Variants in WNT9A observed in about 807,000 individuals in gnomAD.
WNT9A encodes the protein Wnt family member 9A.
Under a neutral mutation model 31.4 loss-of-function variants are expected in WNT9A, and 8 were observed. The ratio of observed to expected loss-of-function variants is 0.26; its 90% CI spans 0.15 to 0.46. The LOEUF (loss-of-function observed/expected upper bound fraction) is 0.46. WNT9A is among the 20% of genes least tolerant of loss of function. The pLI is 0.99. For synonymous variants in WNT9A, 236 were observed against 220.1 expected, an observed-to-expected ratio of 1.07 and a Z score of -0.64; for missense variants, 457 against 522.9, an observed-to-expected ratio of 0.87 and a Z score of 1.23.
At position 227,947,821 on chromosome 1, in the gene WNT9A, C is replaced by A; in HGVS notation, c.67G>T (p.Ala23Ser). 1 of 1,092,232 alleles carries A rather than the reference C, an allele frequency of 9.2e-7. No individual in the cohort carries two copies. The highest frequency in any genetic ancestry group is 1.1e-6 in the Non-Finnish European group (1 of 899,514). 67.7% of individuals were successfully genotyped at this position (1,092,232 alleles called of 1,614,324 possible). Residue 23 changes from alanine (A) to serine (S), a missense_variant, in exon 1 of 4, where the codon GCG becomes TCG. Physicochemically the swap from Ala to Ser is moderately conservative, Grantham distance 99. Coordinates refer to ENST00000272164, the MANE Select transcript of WNT9A (RefSeq NM_003395.4). The stretch of plus-strand genomic sequence containing the variant: ...AAGTAGGCGGCCGAAGGGCGCAGCG[C>A]GGCGAGCAGCAGCGTCAGCCCGAAG... Reference protein sequence around the residue: ...AAFGLTLLLAALRPSAAYFGL... With the variant: ...AAFGLTLLLASLRPSAAYFGL...
At chr1:227,943,825 T>TA (rs898865305) in intron 1 of WNT9A, among the ~76,000 whole-genome samples, 2 of 151,942 alleles carry the variant, frequency 1.3e-5, no homozygotes, top group African/African-American at 4.8e-5. Flanking sequence ...AAATAAAATT[T>TA]AAAAAAATTA....
chr1:227,926,984 T>A lies in WNT9A; in HGVS notation c.96-1465A>T, dbSNP rs1191067660. Among the ~76,000 whole-genome samples, 1 of 151,946 alleles carries A rather than the reference T, an allele frequency of 6.6e-6. No individual in the cohort carries two copies. The highest frequency in any genetic ancestry group is 2.0e-4 in the East Asian group (1 of 5,128). ...CGCAGGCCACAGAAGGAGCAGGTAG[T>A]GGCCCCAGGAAGGATCCCACAGCCC... On this transcript the variant is annotated intron_variant, in intron 1 of 3. Transcript: ENST00000272164. This position sits in a 1 kb window ranked among gnomAD's most constrained non-coding sequence, Gnocchi z 5.0.
intron 1 of WNT9A, among the ~76,000 whole-genome samples, chr1:227,939,349 G>A (rs1415673948): frequency 6.6e-6 from 1 of 152,184 alleles, no homozygotes; most frequent in African/African-American, 2.4e-5. Context: ...AGCCCCACAG[G>A]AGTGGAGCTT....
chr1:227,925,640 A>C lies in WNT9A; in HGVS notation c.96-121T>G. On this transcript the variant is annotated intron_variant, in intron 1 of 3. Coordinates refer to ENST00000272164, the MANE Select transcript of WNT9A (RefSeq NM_003395.4). This position sits in a 1 kb window ranked among gnomAD's most constrained non-coding sequence, Gnocchi z 6.0. Reference sequence around the variant, plus strand: ...TCCATCCGGGGGTGAGGGGGCAGAAAGAATCCAGGATGAGCCAGGCAGGGG... The same window carrying C: ...TCCATCCGGGGGTGAGGGGGCAGAACGAATCCAGGATGAGCCAGGCAGGGG... 7.2e-7 allele frequency: 1 copy of C among 1,388,790 alleles called. No individual in the cohort carries two copies. The highest frequency in any genetic ancestry group is 9.4e-7 in the Non-Finnish European group (1 of 1,063,028). 86.0% of individuals were successfully genotyped at this position (1,388,790 alleles called of 1,614,324 possible).
chr1:227,947,193 GCGC>G (rs1666808501), intron 1 of WNT9A, among the ~76,000 whole-genome samples: 1 of 151,930 alleles, frequency 6.6e-6, no homozygotes, highest in Non-Finnish European at 1.5e-5. Flanking sequence ...GCCGGGCCCT[GCGC>G]TCCCGGCCAG....
chr1:227,922,298 C>T (rs561975408), intron 3 of WNT9A, among the ~76,000 whole-genome samples: 5 of 152,342 alleles, frequency 3.3e-5, no homozygotes, highest in African/African-American at 9.6e-5. Context: ...GTCCACCCTG[C>T]GTCAGGGGCT....
intron 1 of WNT9A, among the ~76,000 whole-genome samples, chr1:227,935,325 C>T (rs893659291): frequency 3.9e-5 from 6 of 152,042 alleles, no homozygotes; most frequent in Admixed American, 6.5e-5. Context: ...CTCCAGTTCA[C>T]TATAGTGGGG....
chr1:227,935,740 TTTG>T (rs754982200), intron 1 of WNT9A, among the ~76,000 whole-genome samples: 15 of 152,278 alleles, frequency 9.9e-5, no homozygotes, highest in East Asian at 9.6e-4. Flanking sequence ...TTTTTGGGTT[TTTG>T]TTGTTGTTGT....
intron 1 of WNT9A, among the ~76,000 whole-genome samples, chr1:227,940,691 C>T (rs1481053550): frequency 1.3e-5 from 2 of 152,210 alleles, no homozygotes; most frequent in South Asian, 2.1e-4. Context: ...CCTCAGGTAT[C>T]GCTAAAAAAA....
Position 227,919,664 on chromosome 1 carries a change from A to G in WNT9A, c.*1854T>C, listed in dbSNP as rs3820621. ...CGCCATGCCACTGACAGCACAGCAC[A>G]GCCAAGCTGACCATGCCAGTATACA... On this transcript the variant is annotated 3_prime_UTR_variant, in exon 4 of 4. Coordinates refer to ENST00000272164, the MANE Select transcript of WNT9A (RefSeq NM_003395.4). 112,406 of 150,154 alleles carry G rather than the reference A, an allele frequency of 0.75. 42,346 individuals carry two copies. Among genetic ancestry groups the G allele is most frequent in the African/African-American group, 0.84 (34,122 of 40,576 alleles). The allele number at this position is 150,154 out of a possible 1,614,324, so 9.3% of individuals were successfully genotyped here. A position where few individuals can be genotyped will look rare whatever the true frequency, so the allele number is the denominator to read the frequency against.
chr1:227,922,761 C>A (rs562355528), intron 3 of WNT9A, among the ~76,000 whole-genome samples: 134 of 152,314 alleles, frequency 8.8e-4, no homozygotes, highest in African/African-American at 3.1e-3. Flanking sequence ...GGACTTAGGG[C>A]CCCACCTGCA....
chr1:227,947,578 C>G, intron 1 of WNT9A, among the ~76,000 whole-genome samples: 1 of 151,288 alleles, frequency 6.6e-6, no homozygotes, highest in Admixed American at 6.5e-5. Context: ...AGGACCGCGG[C>G]CCGGCGCAAG....
intron 1 of WNT9A, among the ~76,000 whole-genome samples, chr1:227,932,121 T>G (rs1402924038): frequency 6.6e-6 from 1 of 152,182 alleles, no homozygotes; most frequent in Non-Finnish European, 1.5e-5. Context: ...CTTGCTAGCA[T>G]TTTACCCACA....
intron 1 of WNT9A, among the ~76,000 whole-genome samples, chr1:227,936,446 C>T (rs1666596777): frequency 6.6e-6 from 1 of 152,158 alleles, no homozygotes; most frequent in South Asian, 2.1e-4. Context: ...CCTACCTTGG[C>T]CTTTCAAAGT....
chr1:227,947,482 G>T (rs928705699), intron 1 of WNT9A, among the ~76,000 whole-genome samples: 2 of 152,142 alleles, frequency 1.3e-5, no homozygotes. Context: ...GCGGCCCAAG[G>T]AAGTCGGGAC....
Position 227,920,342 on chromosome 1 carries a change from A to T in WNT9A, c.*1176T>A, listed in dbSNP as rs1403613313. 1 of 152,262 alleles carries T rather than the reference A, an allele frequency of 6.6e-6. No individual in the cohort carries two copies. Among genetic ancestry groups the T allele is most frequent in the Non-Finnish European group, 1.5e-5 (1 of 68,032 alleles). The allele number at this position is 152,262 out of a possible 1,614,324, so 9.4% of individuals were successfully genotyped here. A position where few individuals can be genotyped will look rare whatever the true frequency, so the allele number is the denominator to read the frequency against. On this transcript the variant is annotated 3_prime_UTR_variant, in exon 4 of 4. Transcript: ENST00000272164. ...TAAGCAGATCAGAGGCAGGGTTAGG[A>T]GGGAATATGTCAGGGACGGAAGGCG... is the stretch of plus-strand genomic sequence containing the variant.
At chr1:227,940,876 G>A (rs577703373) in intron 1 of WNT9A, among the ~76,000 whole-genome samples, 11 of 152,328 alleles carry the variant, frequency 7.2e-5, no homozygotes, top group East Asian at 3.9e-4. Flanking sequence ...TGCAGGTCAC[G>A]GGGCCGGGGC....
chr1:227,928,659 G>A lies in WNT9A; in HGVS notation c.96-3140C>T, dbSNP rs1666458963. Among the ~76,000 whole-genome samples the A allele has an allele frequency of 6.6e-6, 1 of 152,172 alleles. No homozygotes were observed. The highest frequency in any genetic ancestry group is 2.1e-4 in the South Asian group (1 of 4,826). The stretch of plus-strand genomic sequence containing the variant: ...GCACCACAGGGCATGCTGGGGAACA[G>A]GATGGGCGATCTCAGAGCCTGGGCC... On this transcript the variant is annotated intron_variant, in intron 1 of 3. Transcript: ENST00000272164. The surrounding 1 kb of genome is among the most constrained non-coding windows in gnomAD (Gnocchi z 4.5).
chr1:227,934,055 T>C (rs991888506), intron 1 of WNT9A, among the ~76,000 whole-genome samples: 1 of 152,228 alleles, frequency 6.6e-6, no homozygotes, highest in Non-Finnish European at 1.5e-5. Flanking sequence ...CCTATTCCAT[T>C]GTGTGGATGG....
Sources: allele counts gnomAD v4.1 joint callset (sites outside exome capture counted in the v4.1 genomes callset), GRCh38; gene constraint gnomAD v4.1.1; non-coding constraint Gnocchi (gnomAD v3.1); transcripts MANE v1.5; gene names NCBI Gene and HGNC (gene_info 2026-07-23, HGNC 2026-07-21).